The following SGMS1 variants were observed in gnomAD, a reference collection of about 807,000 sequenced individuals.
SGMS1 encodes sphingomyelin synthase 1.
SGMS1 carries 13 observed loss-of-function variants against 46.2 expected under a neutral mutation model. The observed-to-expected ratio is 0.28, with a 90% CI of 0.18 to 0.45. The LOEUF (loss-of-function observed/expected upper bound fraction) is 0.45. Ranked by LOEUF, SGMS1 falls within the 20% of genes least tolerant of loss-of-function variation. The pLI is 1.00. For missense variants in SGMS1, 324 were observed against 519.9 expected (o/e 0.62, Z 3.66); for synonymous variants, 203 against 187.8 (o/e 1.08, Z -0.66).
chr10:50,325,369 T>G (rs559290621), intron 8 of SGMS1, among the ~76,000 whole-genome samples: 1 of 152,344 alleles, frequency 6.6e-6, no homozygotes, highest in African/African-American at 2.4e-5. Context: ...AACTAGTATT[T>G]TTTTCTAAGG....
chr10:50,578,824 AAGGACAAAGATAAT>A (rs1838407732), intron 2 of SGMS1, among the ~76,000 whole-genome samples: 1 of 152,220 alleles, frequency 6.6e-6, no homozygotes. Context: ...ATAAATCTAC[AAGGACAAAGATAAT>A]AGGACAAAGA....
chr10:50,403,327 ATAC>A (rs2133546965), intron 6 of SGMS1, among the ~76,000 whole-genome samples: 1 of 152,326 alleles, frequency 6.6e-6, no homozygotes, highest in East Asian at 1.9e-4. Flanking sequence ...GGTAAATAAT[ATAC>A]TATTAGCTTA....
At chr10:50,421,984 A>G (rs1365192676) in intron 6 of SGMS1, among the ~76,000 whole-genome samples, 1 of 152,128 alleles carries the variant, frequency 6.6e-6, no homozygotes, top group Non-Finnish European at 1.5e-5. Context: ...ACCTTCTTGC[A>G]TTCTTTTTAG....
At chr10:50,569,358 T>C (rs1838318023) in intron 2 of SGMS1, among the ~76,000 whole-genome samples, 1 of 141,850 alleles carries the variant, frequency 7.0e-6, no homozygotes. Context: ...GGATGAAAAG[T>C]AAGGATGCCA....
chr10:50,380,414 T>A (rs191212653), intron 6 of SGMS1, among the ~76,000 whole-genome samples: 2 of 151,082 alleles, frequency 1.3e-5, no homozygotes, highest in South Asian at 4.2e-4. Flanking sequence ...TCCTTTCTAA[T>A]GTTGCAAGCT....
chr10:50,560,815 C>T lies in SGMS1; in HGVS notation c.-589+29338G>A, dbSNP rs368636644. Among the ~76,000 whole-genome samples the T allele has an allele frequency of 1.8e-4, 27 of 151,910 alleles. 1 individual carries two copies. The South Asian group carries it at 5.0e-3, about 28-fold the overall frequency. ...TTGCTGACTCTAGCCATACAATTGC[C>T]AGGTGTTAATGCCAGACACTGAGCA... On this transcript the variant is annotated intron_variant, in intron 2 of 10. Coordinates refer to ENST00000361781, the MANE Select transcript of SGMS1 (RefSeq NM_147156.4).
chr10:50,355,474 C>T (rs553856415), intron 6 of SGMS1, among the ~76,000 whole-genome samples: 20 of 152,340 alleles, frequency 1.3e-4, no homozygotes, highest in Admixed American at 3.3e-4. Flanking sequence ...AGGGTTTCGC[C>T]GTGTTGGCCG....
chr10:50,543,451 A>G (rs1838073502), intron 2 of SGMS1, among the ~76,000 whole-genome samples: 1 of 152,270 alleles, frequency 6.6e-6, no homozygotes, highest in African/African-American at 2.4e-5. Context: ...TCATTAGAAC[A>G]AGAGCGTAGG....
chr10:50,332,470 G>A (rs943972962), intron 7 of SGMS1, among the ~76,000 whole-genome samples: 51 of 152,036 alleles, frequency 3.4e-4, no homozygotes, highest in African/African-American at 1.2e-3. Flanking sequence ...CCCATATTCT[G>A]TGGAAGCTAA....
chr10:50,367,665 C>T (rs1222122994), intron 6 of SGMS1, among the ~76,000 whole-genome samples: 3 of 152,206 alleles, frequency 2.0e-5, no homozygotes, highest in African/African-American at 7.2e-5. Flanking sequence ...ACAGCAATTA[C>T]GTTAATTCTT....
rs1167539303 is a variant in SGMS1, at chr10:50,306,892, T to A, written c.*250A>T. ...AAAGGAACATGGTGGTTGCGGGTTATGTAAATCCCAAACTTATGAACAGGA... is the reference window on the plus strand; with the variant it reads ...AAAGGAACATGGTGGTTGCGGGTTAAGTAAATCCCAAACTTATGAACAGGA... On this transcript the variant is annotated 3_prime_UTR_variant, in exon 11 of 11. Transcript: ENST00000361781. The A allele has an allele frequency of 2.9e-6, 1 of 350,050 alleles. No individual in the cohort carries two copies. Among genetic ancestry groups the A allele is most frequent in the East Asian group, 4.4e-5 (1 of 22,842 alleles). 21.7% of individuals were successfully genotyped at this position (350,050 alleles called of 1,614,324 possible). A position where few individuals can be genotyped will look rare whatever the true frequency, so the allele number is the denominator to read the frequency against.
chr10:50,610,989 G>A (rs754464520), intron 1 of SGMS1, among the ~76,000 whole-genome samples: 6 of 152,172 alleles, frequency 3.9e-5, no homozygotes, highest in Non-Finnish European at 7.4e-5. Flanking sequence ...GGGTCTGGGG[G>A]TGTGTAGAGT....
intron 6 of SGMS1, among the ~76,000 whole-genome samples, chr10:50,396,336 CA>C (rs1413034570): frequency 6.6e-6 from 1 of 152,110 alleles, no homozygotes; most frequent in Non-Finnish European, 1.5e-5. Flanking sequence ...CAAAGCAAGG[CA>C]AAAGTCAACC....
At chr10:50,461,725 G>T (rs1327133316) in intron 4 of SGMS1, among the ~76,000 whole-genome samples, 1 of 152,110 alleles carries the variant, frequency 6.6e-6, no homozygotes, top group African/African-American at 2.4e-5. Flanking sequence ...TGTCAAGCCG[G>T]AGAGCTGATA....
In SGMS1 at chr10:50,326,540, T is replaced by A. The variant is rs560880057; in HGVS notation, c.741+665A>T. ...AAAAATTCATTAAAGAGCTTTAATG[T>A]ACATAAATATTTTAACAATAAAATC... On this transcript the variant is annotated intron_variant, in intron 8 of 10. Coordinates refer to ENST00000361781, the MANE Select transcript of SGMS1 (RefSeq NM_147156.4). Among the ~76,000 whole-genome samples, 21 of 152,308 alleles carry A rather than the reference T, an allele frequency of 1.4e-4. No homozygotes were observed. In the South Asian group the frequency reaches 4.1e-3, roughly 30 times the overall value.
chr10:50,469,515 A>T (rs941894023), intron 3 of SGMS1, among the ~76,000 whole-genome samples: 7 of 152,230 alleles, frequency 4.6e-5, no homozygotes, highest in African/African-American at 1.7e-4. Context: ...TCTATGAGTA[A>T]GCAAGTTAAC....
intron 2 of SGMS1, among the ~76,000 whole-genome samples, chr10:50,568,585 G>C (rs1031255401): frequency 6.6e-6 from 1 of 152,084 alleles, no homozygotes; most frequent in African/African-American, 2.4e-5. Flanking sequence ...TGTGCCTATA[G>C]TTCCAGCTAC....
chr10:50,340,082 G>A (rs1235238238), intron 7 of SGMS1, among the ~76,000 whole-genome samples: 1 of 152,182 alleles, frequency 6.6e-6, no homozygotes, highest in Non-Finnish European at 1.5e-5. Flanking sequence ...CCAGATACGA[G>A]GAAGAAAAAG....
chr10:50,430,919 T>A (rs1329413499), intron 6 of SGMS1, among the ~76,000 whole-genome samples: 1 of 152,124 alleles, frequency 6.6e-6, no homozygotes, highest in Non-Finnish European at 1.5e-5. Context: ...AAACATGAGT[T>A]TGTTGATATG....
Sources: gnomAD v4.1 joint callset for allele counts (sites outside exome capture counted in the v4.1 genomes callset) on GRCh38, gnomAD v4.1.1 for gene constraint, MANE v1.5 for transcripts, NCBI Gene and HGNC (gene_info 2026-07-23, HGNC 2026-07-21) for gene names.